Variants in DST observed in about 807,000 individuals in gnomAD.
DST encodes the protein dystonin.
A neutral mutation model predicts 875.2 loss-of-function variants in DST; 253 were observed. The observed-to-expected ratio is 0.29, with a 90% CI of 0.26 to 0.32. DST has a LOEUF of 0.32. DST is among the 10% of genes least tolerant of loss of function. The pLI is 1.00. For synonymous variants in DST, 3,124 were observed against 3,197.1 expected (o/e 0.98, Z 0.77); for missense variants, 8,287 against 9,111.6 (o/e 0.91, Z 3.68).
chr6:56,482,520 G>A lies in DST; in HGVS notation c.21402+163C>T. On this transcript the variant is annotated intron_variant, in intron 89 of 103. Coordinates refer to ENST00000680361, the MANE Select transcript of DST (RefSeq NM_001374736.1). ...CTCTAGCAGTAATTTAAATTCATGA[G>A]GGAGGGTGGGAGAAGGATCAAGGCA... 4.6e-6 allele frequency: 3 copies of A among 647,800 alleles called. No individual in the cohort carries two copies. In the South Asian group the frequency reaches 8.6e-5, roughly 19 times the overall value. The allele number at this position is 647,800 out of a possible 1,614,324, so 40.1% of individuals were successfully genotyped here.
At chr6:56,495,132 T>C (rs1489778853) in intron 82 of DST, among the ~76,000 whole-genome samples, 1 of 151,978 alleles carries the variant, frequency 6.6e-6, no homozygotes, top group Non-Finnish European at 1.5e-5. Flanking sequence ...TATATAAATA[T>C]ATTTACAATA....
intron 10 of DST, among the ~76,000 whole-genome samples, chr6:56,662,565 C>A (rs895831080): frequency 6.6e-6 from 1 of 152,134 alleles, no homozygotes; most frequent in Non-Finnish European, 1.5e-5. Flanking sequence ...ATCTTCCTAC[C>A]GTGGCTGTGT....
intron 2 of DST, among the ~76,000 whole-genome samples, chr6:56,931,444 C>G (rs1295658425): frequency 6.6e-6 from 1 of 152,158 alleles, no homozygotes; most frequent in Non-Finnish European, 1.5e-5. Flanking sequence ...GGTCAGAGCC[C>G]CCACATAGAG....
chr6:56,944,984 G>A (rs1368826481), intron 2 of DST, among the ~76,000 whole-genome samples: 1 of 152,122 alleles, frequency 6.6e-6, no homozygotes, highest in Non-Finnish European at 1.5e-5. Flanking sequence ...ATCTGTAACT[G>A]TGCCAACCAT....
At chr6:56,704,703 G>GTGCCACCTTAACAAGAGGGTGGAGT (rs2099326354) in intron 5 of DST, among the ~76,000 whole-genome samples, 1 of 152,168 alleles carries the variant, frequency 6.6e-6, no homozygotes, top group African/African-American at 2.4e-5. Flanking sequence ...ACAGTGACCA[G>GTGCCACCTTAACAAGAGGGTGGAGT]TGCCACCTTA....
chr6:56,637,739 A>T (rs1484414402), intron 22 of DST, among the ~76,000 whole-genome samples: 1 of 152,124 alleles, frequency 6.6e-6, no homozygotes, highest in Non-Finnish European at 1.5e-5. Flanking sequence ...TTTCTATTTA[A>T]GGTGCAATTC....
chr6:56,849,694 TAG>T (rs1478243099), intron 4 of DST, among the ~76,000 whole-genome samples: 2 of 152,308 alleles, frequency 1.3e-5, no homozygotes, highest in East Asian at 3.9e-4. Flanking sequence ...TCCTGCCCAG[TAG>T]AGTTTTTCCC....
At chr6:56,823,460 G>A (rs568794770) in intron 4 of DST, among the ~76,000 whole-genome samples, 7 of 152,074 alleles carry the variant, frequency 4.6e-5, no homozygotes, top group African/African-American at 1.7e-4. Flanking sequence ...TGGCAGGCTG[G>A]AGTGCAGTGC....
rs2097344597 is a variant in DST, at chr6:56,552,822, C to T, written c.15970G>A (p.Ala5324Thr). ...MLQTQQKSLQ[A>T]LKHQVDLAKR... ...GCCAAATCTACCTGATGCTTCAAGG[C>T]CTGAAGTGATTTCTGCTGAGTTTGC... Residue 5324 changes from alanine to threonine, a missense_variant, in exon 61 of 104, where the codon GCC (alanine) becomes ACC (threonine). This residue lies in a region of DST where 1,513 missense variants were observed against 1,677.8 expected (regional missense o/e 0.90). Coordinates refer to ENST00000680361, the MANE Select transcript of DST (RefSeq NM_001374736.1). 5 of 1,612,386 alleles carry T rather than the reference C, an allele frequency of 3.1e-6. No homozygotes were observed. Among genetic ancestry groups the T allele is most frequent in the Admixed American group, 1.7e-5 (1 of 59,998 alleles).
At chr6:56,678,648 T>C (rs2099142192) in intron 9 of DST, among the ~76,000 whole-genome samples, 1 of 152,182 alleles carries the variant, frequency 6.6e-6, no homozygotes, top group Non-Finnish European at 1.5e-5. Context: ...GGCAATTAAG[T>C]AGCAGCAGAT....
At chr6:56,871,473 CT>C (rs1777059999) in intron 3 of DST, 2 of 1,590,394 alleles carry the variant, frequency 1.3e-6, no homozygotes, top group Non-Finnish European at 1.7e-6. Flanking sequence ...GCTGCACATG[CT>C]TAAAAATGCA....
At chr6:56,869,593 A>G (rs1222952247) in intron 3 of DST, among the ~76,000 whole-genome samples, 1 of 152,160 alleles carries the variant, frequency 6.6e-6, no homozygotes, top group Non-Finnish European at 1.5e-5. Context: ...CAGAGAAGAA[A>G]AAAAAAAAAA....
At chr6:56,872,121 A>G (rs1000008275) in intron 3 of DST, among the ~76,000 whole-genome samples, 15 of 152,224 alleles carry the variant, frequency 9.9e-5, no homozygotes, top group Non-Finnish European at 2.1e-4. Context: ...AGGCATGTAC[A>G]AGAAAATGCA....
At chr6:56,876,304 G>A (rs1213387879) in intron 3 of DST, among the ~76,000 whole-genome samples, 1 of 152,156 alleles carries the variant, frequency 6.6e-6, no homozygotes, top group Non-Finnish European at 1.5e-5. Context: ...AGCCTCCTGA[G>A]TTCAAATAAT....
At chr6:56,837,050 G>T (rs1037332859) in intron 4 of DST, among the ~76,000 whole-genome samples, 2 of 151,920 alleles carry the variant, frequency 1.3e-5, no homozygotes, top group African/African-American at 4.8e-5. Context: ...TACTAATCAT[G>T]CTCAGAGGAT....
rs1386879708 is a variant in DST, at chr6:56,779,628, T to A, written c.626-44339A>T. 2.0e-5 allele frequency among the ~76,000 whole-genome samples: 3 copies of A among 152,126 alleles called. No individual in the cohort carries two copies. The East Asian group carries it at 5.8e-4, about 29-fold the overall frequency. Reference sequence around the variant, plus strand: ...AGCTAGCCAGTTTTCCCAGCACCATTTATTAAATAGGGAATCATTTCCCCA... The same window carrying A: ...AGCTAGCCAGTTTTCCCAGCACCATATATTAAATAGGGAATCATTTCCCCA... On this transcript the variant is annotated intron_variant, in intron 4 of 103. Coordinates refer to ENST00000680361, the MANE Select transcript of DST (RefSeq NM_001374736.1).
chr6:56,482,061 C>T lies in DST; in HGVS notation c.21520G>A (p.Asp7174Asn). 1 of 1,613,594 alleles carries T rather than the reference C, an allele frequency of 6.2e-7. No homozygotes were observed. The highest frequency in any genetic ancestry group is 2.2e-5 in the East Asian group (1 of 44,864). ...DDEDALRTLI[D>N]QHKEFMKKLE... ...TATATATTACTCACTTTATGCTGAT[C>T]AATGAGAGTCCGGAGAGCATCCTCA... Residue 7174 changes from aspartate (D) to asparagine (N), a missense_variant, in exon 90 of 104, where the codon GAT becomes AAT. Physicochemically the swap from Asp to Asn is conservative, Grantham distance 23. Transcript: ENST00000680361.
intron 91 of DST, 42 bp from the exon 92 acceptor site, chr6:56,476,379 A>G (rs1327105736): frequency 6.8e-7 from 1 of 1,477,882 alleles, no homozygotes; most frequent in African/African-American, 1.4e-5. Context: ...CCTCCAACTT[A>G]GTAAAATAAT....
At chr6:56,667,284 T>C (rs1299755033) in intron 10 of DST, among the ~76,000 whole-genome samples, 3 of 152,266 alleles carry the variant, frequency 2.0e-5, no homozygotes, top group African/African-American at 7.2e-5. Flanking sequence ...TTTGATTGTT[T>C]ATAATTTTGT....
Sources: allele counts gnomAD v4.1 joint callset (sites outside exome capture counted in the v4.1 genomes callset), GRCh38; gene constraint gnomAD v4.1.1; regional missense constraint gnomAD v4.1.1; transcripts MANE v1.5; gene names NCBI Gene and HGNC (gene_info 2026-07-23, HGNC 2026-07-21).